LRCH1: variants seen among roughly 807,000 people sequenced by gnomAD.
LRCH1 encodes leucine-rich repeat and calponin homology domain-containing protein 1.
In LRCH1, 23 loss-of-function variants were observed where a neutral mutation model predicts 94.9. That is an observed-to-expected ratio of 0.24 (90% CI 0.17 to 0.34). The LOEUF (loss-of-function observed/expected upper bound fraction) is 0.34. Ranked by LOEUF, LRCH1 falls within the 10% of genes least tolerant of loss-of-function variation. The pLI, the probability that LRCH1 is intolerant of heterozygous loss-of-function variation, is 1.00. For synonymous variants in LRCH1, 364 were observed against 354.9 expected (o/e 1.03, Z -0.29); for missense variants, 790 against 945.9 (o/e 0.84, Z 2.16).
chr13:46,646,287 TAC>T (rs1377304931), intron 1 of LRCH1, among the ~76,000 whole-genome samples: 1 of 152,154 alleles, frequency 6.6e-6, no homozygotes, highest in Non-Finnish European at 1.5e-5. Flanking sequence ...TATACACACA[TAC>T]ACACAATTAC....
chr13:46,737,370 G>T (rs1184812826), intron 19 of LRCH1, among the ~76,000 whole-genome samples: 1 of 152,172 alleles, frequency 6.6e-6, no homozygotes, highest in Admixed American at 6.5e-5. Context: ...AAAATGTTGG[G>T]ATTACGGACA....
At chr13:46,694,580 C>T (rs1046062774) in intron 8 of LRCH1, among the ~76,000 whole-genome samples, 20 of 152,146 alleles carry the variant, frequency 1.3e-4, no homozygotes, top group African/African-American at 4.8e-4. Flanking sequence ...TAACATATTA[C>T]TGAGGGCAAA....
chr13:46,554,309 C>T (rs914023630), intron 1 of LRCH1, among the ~76,000 whole-genome samples: 17 of 152,250 alleles, frequency 1.1e-4, no homozygotes, highest in African/African-American at 3.9e-4. Flanking sequence ...GCCCAAGTTT[C>T]CTCTCCCTGC....
chr13:46,620,730 G>A (rs2050870069), intron 1 of LRCH1, among the ~76,000 whole-genome samples: 1 of 152,182 alleles, frequency 6.6e-6, no homozygotes, highest in Admixed American at 6.5e-5. Flanking sequence ...TTTTGAGTAG[G>A]ACATTCCCAT....
chr13:46,746,879 G>A (rs1240495125), downstream of LRCH1, among the ~76,000 whole-genome samples: 1 of 152,162 alleles, frequency 6.6e-6, no homozygotes, highest in African/African-American at 2.4e-5. Context: ...CCCTTCTTGG[G>A]ACGCCTCCTG....
At chr13:46,685,816 C>G (rs1870578175) in intron 4 of LRCH1, 89 bp from the exon 5 acceptor site, 1 of 930,178 alleles carries the variant, frequency 1.1e-6, no homozygotes, top group Non-Finnish European at 1.5e-6. Flanking sequence ...TCCTGAGAAG[C>G]AGAACATTAA....
At chr13:46,647,247 C>T (rs1344053410) in intron 1 of LRCH1, among the ~76,000 whole-genome samples, 1 of 151,988 alleles carries the variant, frequency 6.6e-6, no homozygotes, top group African/African-American at 2.4e-5. Flanking sequence ...CAAAAAATGT[C>T]CTTCATTTAC....
chr13:46,554,269 G>A (rs2050038365), intron 1 of LRCH1, among the ~76,000 whole-genome samples: 1 of 152,264 alleles, frequency 6.6e-6, no homozygotes, highest in Non-Finnish European at 1.5e-5. Context: ...ATCGCCGAGC[G>A]ATCGGGCAAC....
At chr13:46,688,341 G>A (rs546010027) in intron 6 of LRCH1, among the ~76,000 whole-genome samples, 31 of 152,138 alleles carry the variant, frequency 2.0e-4, no homozygotes, top group Non-Finnish European at 3.5e-4. Context: ...GCCCAGACAT[G>A]CCTTTTTAGC....
At chr13:46,590,985 C>A (rs2050493397) in intron 1 of LRCH1, among the ~76,000 whole-genome samples, 1 of 150,108 alleles carries the variant, frequency 6.7e-6, no homozygotes, top group African/African-American at 2.4e-5. Context: ...TTTTTTTTTC[C>A]CCCTGTAAGT....
chr13:46,744,969 C>G (rs527893181), downstream of LRCH1: 7 of 901,200 alleles, frequency 7.8e-6, no homozygotes, highest in East Asian at 2.4e-4. Context: ...TGACTTTGTT[C>G]ATTTTTGTGT....
chr13:46,595,918 G>T (rs895865994), intron 1 of LRCH1, among the ~76,000 whole-genome samples: 1 of 151,496 alleles, frequency 6.6e-6, no homozygotes, highest in African/African-American at 2.4e-5. Context: ...AAAGGTAGAG[G>T]AAGTAATTAA....
chr13:46,682,240 C>G (rs1289830489), intron 4 of LRCH1, among the ~76,000 whole-genome samples: 1 of 152,058 alleles, frequency 6.6e-6, no homozygotes, highest in Non-Finnish European at 1.5e-5. Context: ...TCTGAGGCCT[C>G]TCAGCTTGGC....
chr13:46,685,499 T>A (rs941561350), intron 4 of LRCH1, among the ~76,000 whole-genome samples: 5 of 152,186 alleles, frequency 3.3e-5, no homozygotes, highest in Admixed American at 3.3e-4. Context: ...ATTGATTAGA[T>A]AAGAATATTC....
At chr13:46,563,050 G>A (rs1228010805) in intron 1 of LRCH1, among the ~76,000 whole-genome samples, 1 of 151,508 alleles carries the variant, frequency 6.6e-6, no homozygotes, top group East Asian at 1.9e-4. Flanking sequence ...GCAAGTGTTC[G>A]ATAAGCAATG....
At chr13:46,594,662 C>T (rs1389608059) in intron 1 of LRCH1, among the ~76,000 whole-genome samples, 1 of 152,036 alleles carries the variant, frequency 6.6e-6, no homozygotes. Flanking sequence ...TAAAGTTTCT[C>T]GATTTGACGG....
At chr13:46,730,302 G>A (rs1873036505) in intron 18 of LRCH1, among the ~76,000 whole-genome samples, 1 of 152,162 alleles carries the variant, frequency 6.6e-6, no homozygotes, top group Admixed American at 6.5e-5. Flanking sequence ...GATACTTCAT[G>A]TAATTTACAC....
intron 1 of LRCH1, among the ~76,000 whole-genome samples, chr13:46,595,199 A>G (rs1409246574): frequency 2.0e-5 from 3 of 152,036 alleles, no homozygotes; most frequent in African/African-American, 7.2e-5. Context: ...GGCAGACTTT[A>G]ATGAATGTAA....
intron 9 of LRCH1, among the ~76,000 whole-genome samples, chr13:46,699,125 T>C (rs1473899894): frequency 6.6e-6 from 1 of 152,270 alleles, no homozygotes; most frequent in East Asian, 1.9e-4. Flanking sequence ...ATGGCATGCA[T>C]GAGAATTTCC....
Sources: allele counts gnomAD v4.1 joint callset (sites outside exome capture counted in the v4.1 genomes callset), GRCh38; gene constraint gnomAD v4.1.1; transcripts MANE v1.5; gene names NCBI Gene and HGNC (gene_info 2026-07-23, HGNC 2026-07-21).